FMNL2: variants seen among roughly 807,000 people sequenced by gnomAD.
FMNL2 encodes the protein formin-like protein 2.
FMNL2 carries 51 observed loss-of-function variants against 130.2 expected under a neutral mutation model. The observed-to-expected ratio is 0.39, with a 90% CI of 0.31 to 0.49. FMNL2 has a LOEUF of 0.49. Ranked by LOEUF, FMNL2 falls within the 20% of genes least tolerant of loss-of-function variation. FMNL2 has a pLI of 0.85. For missense variants in FMNL2, 977 were observed against 1,316.2 expected (o/e 0.74, Z 3.99); for synonymous variants, 465 against 467.1 (o/e 1.00, Z 0.06).
chr2:152,428,066 C>G (rs923085806), intron 1 of FMNL2, among the ~76,000 whole-genome samples: 1 of 152,206 alleles, frequency 6.6e-6, no homozygotes, highest in Non-Finnish European at 1.5e-5. Flanking sequence ...CCACATTCCC[C>G]CTTTGTAAAA....
chr2:152,621,827 T>C (rs1681338211), intron 15 of FMNL2, among the ~76,000 whole-genome samples: 1 of 152,182 alleles, frequency 6.6e-6, no homozygotes, highest in Admixed American at 6.5e-5. Flanking sequence ...AGAATCAGGA[T>C]GCCCAGTAGA....
Position 152,573,031 on chromosome 2 carries a change from G to T in FMNL2, c.597-2105G>T, listed in dbSNP as rs1476442163. Among the ~76,000 whole-genome samples the T allele has an allele frequency of 5.9e-5, 9 of 152,152 alleles. No homozygotes were observed. In the East Asian group the frequency reaches 1.5e-3, roughly 26 times the overall value. ...GTAAAGAATTATGACATTTCTCAGG[G>T]TGCATTTATTTAGTGAGAGGAAATC... On this transcript the variant is annotated intron_variant, in intron 6 of 25. Transcript: ENST00000288670.
At chr2:152,443,805 T>C (rs1319950433) in intron 1 of FMNL2, among the ~76,000 whole-genome samples, 1 of 151,808 alleles carries the variant, frequency 6.6e-6, no homozygotes, top group African/African-American at 2.4e-5. Context: ...ATCACATCAT[T>C]GCACTCCAGC....
chr2:152,588,721 A>G (rs1697222983), intron 9 of FMNL2, among the ~76,000 whole-genome samples: 1 of 152,102 alleles, frequency 6.6e-6, no homozygotes, highest in Non-Finnish European at 1.5e-5. Context: ...AGCTTAGGGC[A>G]TGGGAAGAGA....
intron 2 of FMNL2, among the ~76,000 whole-genome samples, chr2:152,540,485 G>A (rs902670937): frequency 1.3e-5 from 2 of 151,624 alleles, no homozygotes; most frequent in Non-Finnish European, 3.0e-5. Flanking sequence ...TTGAGATAGA[G>A]TTCATATACT....
At chr2:152,393,942 TA>T (rs1685256208) in intron 1 of FMNL2, among the ~76,000 whole-genome samples, 1 of 152,238 alleles carries the variant, frequency 6.6e-6, no homozygotes. Flanking sequence ...CATTCCTCTT[TA>T]TTTTTTTAGC....
chr2:152,343,791 G>A (rs1257307512), intron 1 of FMNL2, among the ~76,000 whole-genome samples: 1 of 152,008 alleles, frequency 6.6e-6, no homozygotes. Flanking sequence ...CTAGAATAAG[G>A]GTATTGGTAA....
At position 152,368,338 on chromosome 2, in the gene FMNL2, AC is replaced by A. The variant is rs745927072; in HGVS notation, c.117+32619del. ...TGTTTCCTAGATAAGTTTTTAAAAA[AC>A]GTCATTTCTGAAATGGGCAGAATAC... is the stretch of plus-strand genomic sequence containing the variant. On this transcript the variant is annotated intron_variant, in intron 1 of 25. Transcript: ENST00000288670. 2.5e-4 allele frequency among the ~76,000 whole-genome samples: 38 copies of A among 152,274 alleles called. No homozygotes were observed. In the Middle Eastern group the frequency reaches 0.01, roughly 41 times the overall value.
intron 9 of FMNL2, among the ~76,000 whole-genome samples, chr2:152,589,967 A>ATGTATATG (rs1215957438): frequency 1.2e-4 from 2 of 17,216 alleles, no homozygotes; most frequent in South Asian, 2.5e-3. Flanking sequence ...ATATATATAT[A>ATGTATATG]TATATATATA....
intron 1 of FMNL2, among the ~76,000 whole-genome samples, chr2:152,384,482 G>A (rs1684672621): frequency 6.6e-6 from 1 of 152,150 alleles, no homozygotes; most frequent in African/African-American, 2.4e-5. Context: ...AGCTGGTGGG[G>A]AGATATGGTC....
At chr2:152,629,077 A>G (rs1037262277) in intron 18 of FMNL2, among the ~76,000 whole-genome samples, 3 of 152,198 alleles carry the variant, frequency 2.0e-5, no homozygotes, top group Admixed American at 2.0e-4. Context: ...AGATTTATGA[A>G]TATCATAAAC....
intron 1 of FMNL2, among the ~76,000 whole-genome samples, chr2:152,339,365 A>G (rs919558455): frequency 1.3e-5 from 2 of 152,200 alleles, no homozygotes; most frequent in Non-Finnish European, 2.9e-5. Flanking sequence ...AGATGATGAT[A>G]AGAAGGTGGT....
At chr2:152,464,231 C>G (rs919698228) in intron 1 of FMNL2, among the ~76,000 whole-genome samples, 1 of 152,114 alleles carries the variant, frequency 6.6e-6, no homozygotes, top group Non-Finnish European at 1.5e-5. Flanking sequence ...GGTGTGAGCC[C>G]CCGCACTCAG....
At chr2:152,537,694 G>A (rs926119456) in intron 2 of FMNL2, among the ~76,000 whole-genome samples, 1 of 152,202 alleles carries the variant, frequency 6.6e-6, no homozygotes, top group African/African-American at 2.4e-5. Flanking sequence ...GATCAACTGT[G>A]TGCCAAGTAT....
At chr2:152,482,285 G>A (rs1690569617) in intron 1 of FMNL2, among the ~76,000 whole-genome samples, 1 of 152,102 alleles carries the variant, frequency 6.6e-6, no homozygotes, top group Admixed American at 6.6e-5. Flanking sequence ...TTTAGAAGAG[G>A]GGATTTTCTT....
chr2:152,617,288 A>G (rs1454898800), intron 13 of FMNL2, 96 bp downstream of exon 13: 6 of 1,012,580 alleles, frequency 5.9e-6, no homozygotes, highest in Non-Finnish European at 9.0e-6. Context: ...TTTCAGAGGA[A>G]TGCATTGATG....
rs1301130927 is a variant in FMNL2, at chr2:152,387,507, G to T, written c.117+51787G>T. Among the ~76,000 whole-genome samples the T allele has an allele frequency of 4.6e-5, 7 of 152,138 alleles. No homozygotes were observed. The South Asian group carries it at 1.4e-3, about 31-fold the overall frequency. On this transcript the variant is annotated intron_variant, in intron 1 of 25. Coordinates refer to ENST00000288670, the MANE Select transcript of FMNL2 (RefSeq NM_052905.4). ...TTCTATAAATGTATGAAATATAAAA[G>T]TTATAAAATAATTATGACTTATCAA... is the stretch of plus-strand genomic sequence containing the variant.
chr2:152,348,368 G>A (rs1413751746), intron 1 of FMNL2, among the ~76,000 whole-genome samples: 1 of 152,106 alleles, frequency 6.6e-6, no homozygotes, highest in Non-Finnish European at 1.5e-5. Context: ...TGTCTTACGG[G>A]GTCTGACAGC....
intron 9 of FMNL2, among the ~76,000 whole-genome samples, chr2:152,585,897 A>T (rs1428917923): frequency 6.8e-6 from 1 of 146,624 alleles, no homozygotes; most frequent in Non-Finnish European, 1.5e-5. Context: ...GCTTGCTTTT[A>T]AAAAGTGTCT....
Sources: allele counts gnomAD v4.1 joint callset (sites outside exome capture counted in the v4.1 genomes callset), GRCh38; gene constraint gnomAD v4.1.1; transcripts MANE v1.5; gene names NCBI Gene and HGNC (gene_info 2026-07-23, HGNC 2026-07-21).